Variants in FAM151B observed in about 807,000 individuals in gnomAD.
The protein encoded by FAM151B is protein FAM151B.
In FAM151B, 24 loss-of-function variants were observed where a neutral mutation model predicts 31.2. The observed-to-expected ratio is 0.77, with a 90% CI of 0.56 to 1.08. The LOEUF is 1.08. FAM151B is among the 50% of genes least tolerant of loss of function. The pLI, the probability that FAM151B is intolerant of heterozygous loss-of-function variation, is 0.00. For missense variants in FAM151B, 293 were observed against 328.6 expected (o/e 0.89, Z 0.84); for synonymous variants, 105 against 111.4 (o/e 0.94, Z 0.36).
chr5:80,540,026 C>T (rs1745805718), intron 5 of FAM151B, among the ~76,000 whole-genome samples: 1 of 152,146 alleles, frequency 6.6e-6, no homozygotes, highest in Admixed American at 6.5e-5. Context: ...AGAAGGACAG[C>T]TTCTGTATCA....
At chr5:80,528,678 C>G (rs925529575) in intron 5 of FAM151B, among the ~76,000 whole-genome samples, 4 of 151,682 alleles carry the variant, frequency 2.6e-5, no homozygotes, top group African/African-American at 9.7e-5. Flanking sequence ...CTGCAGTGAG[C>G]TATAATCACA....
chr5:80,539,127 T>G (rs1284596644), intron 5 of FAM151B, among the ~76,000 whole-genome samples: 1 of 152,040 alleles, frequency 6.6e-6, no homozygotes, highest in African/African-American at 2.4e-5. Context: ...GCATTTGGCA[T>G]ATTTCTAATA....
chr5:80,499,678 A>G (rs1743672584), intron 1 of FAM151B, among the ~76,000 whole-genome samples: 1 of 151,700 alleles, frequency 6.6e-6, no homozygotes, highest in Admixed American at 6.6e-5. Flanking sequence ...TATGCTTCTG[A>G]TGTTCAGACT....
At chr5:80,520,648 A>G (rs1744660154) in intron 4 of FAM151B, among the ~76,000 whole-genome samples, 1 of 148,286 alleles carries the variant, frequency 6.7e-6, no homozygotes, top group Admixed American at 6.7e-5. Context: ...CTGTCTCAAA[A>G]AAAAAAAAAA....
chr5:80,490,724 T>C (rs1193112681), intron 1 of FAM151B, among the ~76,000 whole-genome samples: 1 of 152,228 alleles, frequency 6.6e-6, no homozygotes, highest in Non-Finnish European at 1.5e-5. Flanking sequence ...GATTCATCCA[T>C]CTTGTAGCAT....
chr5:80,513,814 C>A (rs751294941), intron 3 of FAM151B, 45 bp downstream of exon 3: 2 of 1,525,570 alleles, frequency 1.3e-6, no homozygotes, highest in Non-Finnish European at 1.8e-6. Flanking sequence ...AAAGTAATAG[C>A]TGTGCCTGAC....
intron 5 of FAM151B, among the ~76,000 whole-genome samples, chr5:80,525,960 A>T (rs1002637341): frequency 6.6e-6 from 1 of 151,934 alleles, no homozygotes; most frequent in Non-Finnish European, 1.5e-5. Context: ...TTTTTATACT[A>T]GGTGTGTATA....
chr5:80,506,102 A>G lies in FAM151B; in HGVS notation c.151+4185A>G, dbSNP rs1246626579. ...GTATCCATTTCTGCTCCATACAAGC[A>G]TATGGAAACTGGTTCCATTTGTAGC... On this transcript the variant is annotated intron_variant, in intron 2 of 5. Coordinates refer to ENST00000282226, the MANE Select transcript of FAM151B (RefSeq NM_205548.3). The G allele has an allele frequency of 2.3e-5, 23 of 985,384 alleles. No homozygotes were observed. In the South Asian group the frequency reaches 8.9e-4, roughly 38 times the overall value. The allele number at this position is 985,384 out of a possible 1,614,324, so 61.0% of individuals were successfully genotyped here. A position where few individuals can be genotyped will look rare whatever the true frequency, so the allele number is the denominator to read the frequency against.
chr5:80,521,721 T>G (rs903624178), intron 4 of FAM151B, among the ~76,000 whole-genome samples: 7 of 152,160 alleles, frequency 4.6e-5, no homozygotes, highest in African/African-American at 1.7e-4. Context: ...GGTGTAAATT[T>G]TTTTTCTTGT....
chr5:80,492,795 A>C (rs1378728321), intron 1 of FAM151B, among the ~76,000 whole-genome samples: 1 of 151,996 alleles, frequency 6.6e-6, no homozygotes, highest in African/African-American at 2.4e-5. Context: ...TCTACAAAAA[A>C]TTTTAAAAAT....
chr5:80,536,203 C>T (rs982052409), intron 5 of FAM151B, among the ~76,000 whole-genome samples: 4 of 152,140 alleles, frequency 2.6e-5, no homozygotes, highest in African/African-American at 4.8e-5. Context: ...TGGAGTCTCA[C>T]TGGGTTGCCC....
chr5:80,515,777 A>G (rs1186522017), intron 3 of FAM151B, among the ~76,000 whole-genome samples: 1 of 152,186 alleles, frequency 6.6e-6, no homozygotes, highest in African/African-American at 2.4e-5. Flanking sequence ...TCTCGTAACA[A>G]TCCTAAGAGG....
At chr5:80,525,431 T>C (rs1263021678) in intron 5 of FAM151B, among the ~76,000 whole-genome samples, 1 of 152,190 alleles carries the variant, frequency 6.6e-6, no homozygotes, top group Non-Finnish European at 1.5e-5. Flanking sequence ...CCTTGAACCA[T>C]GGCGAAGTTT....
At chr5:80,493,702 G>A (rs1024859694) in intron 1 of FAM151B, among the ~76,000 whole-genome samples, 9 of 152,144 alleles carry the variant, frequency 5.9e-5, no homozygotes, top group African/African-American at 2.2e-4. Flanking sequence ...GGCTTACTAG[G>A]ATTGGGAAAT....
At chr5:80,490,586 T>C (rs249006) in intron 1 of FAM151B, among the ~76,000 whole-genome samples, 133,589 of 152,206 alleles carry the variant, frequency 0.88, 59,298 homozygotes, top group Non-Finnish European at 0.94. Flanking sequence ...CCCTTTAACA[T>C]CCACAACTGC....
intron 5 of FAM151B, among the ~76,000 whole-genome samples, chr5:80,540,358 A>G (rs1745822980): frequency 1.3e-5 from 2 of 152,106 alleles, no homozygotes; most frequent in Non-Finnish European, 2.9e-5. Flanking sequence ...GTTTTATTAC[A>G]CTGGAGTTTA....
rs915902879 is a variant in FAM151B, at chr5:80,542,458, T to A, written c.*626T>A. The A allele has an allele frequency of 6.6e-6, 1 of 151,874 alleles. No individual in the cohort carries two copies. Among genetic ancestry groups the A allele is most frequent in the Non-Finnish European group, 1.5e-5 (1 of 68,002 alleles). 9.4% of individuals were successfully genotyped at this position (151,874 alleles called of 1,614,324 possible). ...CTGATTTATAGTGGACAATATACTG[T>A]TGGAGAGCAGTTTTAGTCTTTGTTA... is the stretch of plus-strand genomic sequence containing the variant. On this transcript the variant is annotated 3_prime_UTR_variant, in exon 6 of 6. Coordinates refer to ENST00000282226, the MANE Select transcript of FAM151B (RefSeq NM_205548.3).
In FAM151B at chr5:80,500,623, CAGT is replaced by C. The variant is rs922735385; in HGVS notation, c.26-1168_26-1166del. 9.2e-6 allele frequency: 7 copies of C among 761,396 alleles called. No individual in the cohort carries two copies. The African/African-American group carries it at 1.2e-4, about 13-fold the overall frequency. 47.2% of individuals were successfully genotyped at this position (761,396 alleles called of 1,614,324 possible). ...CATTTGTCCTCAGGATCAGAGGTGTCAGTGGTGTGAGCCCAAAGGTCCGAAAGG... is the reference window on the plus strand; with the variant it reads ...CATTTGTCCTCAGGATCAGAGGTGTCGGTGTGAGCCCAAAGGTCCGAAAGG... On this transcript the variant is annotated intron_variant, in intron 1 of 5. Coordinates refer to ENST00000282226, the MANE Select transcript of FAM151B (RefSeq NM_205548.3).
At chr5:80,510,347 C>T (rs1395253416) in intron 2 of FAM151B, among the ~76,000 whole-genome samples, 1 of 152,192 alleles carries the variant, frequency 6.6e-6, no homozygotes, top group Non-Finnish European at 1.5e-5. Flanking sequence ...TTCTCTCTCT[C>T]TATGTGGTCT....
Sources: gnomAD v4.1 joint callset for allele counts (sites outside exome capture counted in the v4.1 genomes callset) on GRCh38, gnomAD v4.1.1 for gene constraint, MANE v1.5 for transcripts, NCBI Gene and HGNC (gene_info 2026-07-23, HGNC 2026-07-21) for gene names.